SEM1: variants seen among roughly 807,000 people sequenced by gnomAD.
SEM1 encodes SEM1 26S proteasome subunit, also known as 26S proteasome complex subunit SEM1.
In SEM1, 3 loss-of-function variants were observed where a neutral mutation model predicts 12.7. The observed-to-expected ratio is 0.24, with a 90% CI of 0.11 to 0.61. The LOEUF (loss-of-function observed/expected upper bound fraction) is 0.61, where lower values mean the gene tolerates loss of function less well. Among genes scored for constraint, SEM1 ranks in the 20% least tolerant of loss-of-function variants. The pLI, the probability that SEM1 is intolerant of heterozygous loss-of-function variation, is 0.88. For synonymous variants in SEM1, 30 were observed against 27.8 expected (o/e 1.08, Z -0.25); for missense variants, 59 against 81.3 (o/e 0.73, Z 1.06).
At position 96,610,104 on chromosome 7, in the gene SEM1, G is replaced by GT. The variant is rs35778935; in HGVS notation, c.170+84693dup. Among the ~76,000 whole-genome samples, 1,290 of 145,368 alleles carry GT rather than the reference G, an allele frequency of 8.9e-3. 5 individuals carry two copies. The highest frequency in any genetic ancestry group is 0.014 in the African/African-American group (553 of 39,924). On this transcript the variant is annotated intron_variant and NMD_transcript_variant, in intron 2 of 3. Coordinates refer to the SEM1 transcript ENST00000466986. ...AACCATAAGTTATAAATTCCAGCAG[G>GT]TTTTTTTTTTTTTTGAGACAGTTTT...
intron 2 of SEM1, among the ~76,000 whole-genome samples, chr7:96,554,943 G>C (rs2115869358): frequency 7.9e-6 from 1 of 126,764 alleles, no homozygotes; most frequent in East Asian, 2.4e-4. Flanking sequence ...CATGTGTCCA[G>C]AAATTTATCC....
chr7:96,583,834 C>T (rs551191786), intron 2 of SEM1, among the ~76,000 whole-genome samples: 18 of 150,580 alleles, frequency 1.2e-4, no homozygotes, highest in African/African-American at 4.4e-4. Flanking sequence ...GGTAGATCTT[C>T]CTCCATCCTT....
At chr7:96,523,100 C>T (rs571167393) in intron 2 of SEM1, among the ~76,000 whole-genome samples, 28 of 152,130 alleles carry the variant, frequency 1.8e-4, no homozygotes, top group Admixed American at 5.2e-4. Flanking sequence ...AAATAATGAA[C>T]ACGAAGACAC....
intron 2 of SEM1, among the ~76,000 whole-genome samples, chr7:96,679,182 G>T (rs1789532103): frequency 6.6e-6 from 1 of 152,002 alleles, no homozygotes; most frequent in Admixed American, 6.6e-5. Flanking sequence ...GATAGTAAAA[G>T]ACATAAACAC....
chr7:96,646,071 G>C, intron 2 of SEM1: 1 of 394,566 alleles, frequency 2.5e-6, no homozygotes, highest in Non-Finnish European at 4.5e-6. Context: ...ATTCCTTTGA[G>C]AGTACCTCTT....
chr7:96,556,520 C>A (rs1323120581), intron 2 of SEM1, among the ~76,000 whole-genome samples: 1 of 152,078 alleles, frequency 6.6e-6, no homozygotes, highest in East Asian at 1.9e-4. Flanking sequence ...ATATTGGCCC[C>A]CACTCTCTTC....
At chr7:96,487,138 C>A (rs1802803791) in intron 1 of SEM1, among the ~76,000 whole-genome samples, 1 of 140,234 alleles carries the variant, frequency 7.1e-6, no homozygotes, top group South Asian at 2.1e-4. Flanking sequence ...AGGGAGAGAC[C>A]AGTAAGTTAC....
At chr7:96,637,356 T>C (rs1227526129) in intron 2 of SEM1, 1 of 152,058 alleles carries the variant, frequency 6.6e-6, no homozygotes, top group Non-Finnish European at 1.5e-5. Context: ...AACACTCAAA[T>C]GGTGTGTCCC....
At chr7:96,678,514 A>G (rs996165490) in intron 2 of SEM1, among the ~76,000 whole-genome samples, 1 of 152,204 alleles carries the variant, frequency 6.6e-6, no homozygotes, top group Non-Finnish European at 1.5e-5. Flanking sequence ...CACTGTTATC[A>G]AACTTTAAAA....
At chr7:96,581,468 C>T (rs191132422) in intron 2 of SEM1, among the ~76,000 whole-genome samples, 1,945 of 151,556 alleles carry the variant, frequency 0.013, 40 homozygotes, top group African/African-American at 0.045. Flanking sequence ...TTTTTTGGTT[C>T]CATATGAACT....
intron 2 of SEM1, among the ~76,000 whole-genome samples, chr7:96,522,732 C>CCCCT (rs566118443): frequency 2.3e-5 from 3 of 129,492 alleles, no homozygotes; most frequent in African/African-American, 9.1e-5. Flanking sequence ...ACCCCCCCCC[C>CCCCT]AAAAAAAAAT....
Position 96,483,960 on chromosome 7 carries a change from TC to T in SEM1, c.285del (p.Ser96AlafsTer52). The T allele has an allele frequency of 6.5e-7, 1 of 1,532,786 alleles. No individual in the cohort carries two copies. 94.9% of individuals were successfully genotyped at this position (1,532,786 alleles called of 1,614,324 possible). On this transcript the variant is annotated frameshift_variant, in exon 4 of 4. Transcript: ENST00000356686. LOFTEE classifies it low-confidence loss of function (END_TRUNC). ...CAGTGCACCAAGGATGGTGGGGGGC[TC>T]AGTGGAGCAGTGGAAAGAGTCAGGG...
At chr7:96,538,390 T>C (rs542490425) in intron 2 of SEM1, among the ~76,000 whole-genome samples, 60 of 151,926 alleles carry the variant, frequency 3.9e-4, no homozygotes, top group Non-Finnish European at 6.2e-4. Flanking sequence ...ACTAGACATA[T>C]TGTGTTGGGT....
chr7:96,550,505 G>T (rs1805235243), intron 2 of SEM1, among the ~76,000 whole-genome samples: 1 of 152,164 alleles, frequency 6.6e-6, no homozygotes, highest in Non-Finnish European at 1.5e-5. Context: ...CTTGTAGGCT[G>T]TGTTTTCTTG....
At position 96,690,395 on chromosome 7, in the gene SEM1, A is replaced by C. The variant is rs183679680; in HGVS notation, c.171-1429T>G. ...CATGTATAAATTGTTTACAATCACA[A>C]ACAAGATGATGAAATGCTCTTCTAT... On this transcript the variant is annotated intron_variant, in intron 2 of 2. Coordinates refer to ENST00000248566, the MANE Select transcript of SEM1 (RefSeq NM_006304.2). Among the ~76,000 whole-genome samples, 65 of 152,254 alleles carry C rather than the reference A, an allele frequency of 4.3e-4. 1 individual carries two copies. The highest frequency in any genetic ancestry group is 1.8e-3 in the Admixed American group (28 of 15,288).
At chr7:96,648,811 A>G (rs982976450) in intron 2 of SEM1, among the ~76,000 whole-genome samples, 2 of 152,228 alleles carry the variant, frequency 1.3e-5, no homozygotes, top group African/African-American at 4.8e-5. Flanking sequence ...ATTGCATATC[A>G]AACTGCAGTG....
At chr7:96,564,640 A>C (rs1805793034) in intron 2 of SEM1, among the ~76,000 whole-genome samples, 1 of 151,976 alleles carries the variant, frequency 6.6e-6, no homozygotes, top group Non-Finnish European at 1.5e-5. Context: ...TGCATAGAGG[A>C]ACCAAAAGGT....
At chr7:96,498,552 A>T (rs1252664685), upstream of SEM1, among the ~76,000 whole-genome samples, 1 of 152,198 alleles carries the variant, frequency 6.6e-6, no homozygotes, top group African/African-American at 2.4e-5. Flanking sequence ...GAAACTTGCA[A>T]CTTAATGGTA....
At chr7:96,675,560 T>C (rs1038662042) in intron 2 of SEM1, among the ~76,000 whole-genome samples, 1 of 152,162 alleles carries the variant, frequency 6.6e-6, no homozygotes, top group Non-Finnish European at 1.5e-5. Context: ...TCTCCACACA[T>C]ACACAGCTTC....
Sources: allele counts gnomAD v4.1 joint callset (sites outside exome capture counted in the v4.1 genomes callset), GRCh38; gene constraint gnomAD v4.1.1; transcripts MANE v1.5; gene names NCBI Gene and HGNC (gene_info 2026-07-23, HGNC 2026-07-21).